PPFIBP1: variants seen among roughly 807,000 people sequenced by gnomAD.
PPFIBP1 encodes liprin-beta-1.
In PPFIBP1, 112 loss-of-function variants were observed where a neutral mutation model predicts 137.8. The observed-to-expected ratio is 0.81, with a 90% CI of 0.70 to 0.95. The LOEUF is 0.95. PPFIBP1 is among the 40% of genes least tolerant of loss of function. The probability of loss-of-function intolerance (pLI) is 0.00; values close to 1 mark genes in which losing one functional copy is unlikely to be tolerated. For synonymous variants in PPFIBP1, 378 were observed against 417.3 expected, an observed-to-expected ratio of 0.91 and a Z score of 1.15; for missense variants, 1,083 against 1,196.6, an observed-to-expected ratio of 0.91 and a Z score of 1.40.
chr12:27,590,348 G>A (rs368134184), intron 2 of PPFIBP1, among the ~76,000 whole-genome samples: 1 of 151,950 alleles, frequency 6.6e-6, no homozygotes. Context: ...GCTAATTTTT[G>A]TATTTTTAGT....
At chr12:27,673,530 C>T (rs529948586) in intron 15 of PPFIBP1, among the ~76,000 whole-genome samples, 1 of 152,196 alleles carries the variant, frequency 6.6e-6, no homozygotes, top group Non-Finnish European at 1.5e-5. Flanking sequence ...GCTTTTCCAG[C>T]TCTTCTAACA....
In PPFIBP1 at chr12:27,606,204, C is replaced by G. The variant is rs1443056668; in HGVS notation, c.-35-27158C>G. ...TGTCATTTTCTCTTTTGTTTTATGG[C>G]TACTTCTCTTGCAGCAGTATTAAAA... On this transcript the variant is annotated intron_variant, in intron 2 of 29. Coordinates refer to ENST00000228425, the MANE Select transcript of PPFIBP1 (RefSeq NM_003622.4). 3.9e-5 allele frequency among the ~76,000 whole-genome samples: 6 copies of G among 152,230 alleles called. 1 individual carries two copies. The highest frequency in any genetic ancestry group is 2.1e-4 in the South Asian group (1 of 4,834).
intron 5 of PPFIBP1, among the ~76,000 whole-genome samples, chr12:27,647,150 T>C (rs1232293642): frequency 6.6e-6 from 1 of 152,120 alleles, no homozygotes; most frequent in South Asian, 2.1e-4. Flanking sequence ...TACAGGCACA[T>C]GCCCCCACAG....
chr12:27,533,142 A>C (rs1223574969), intron 1 of PPFIBP1, among the ~76,000 whole-genome samples: 1 of 152,156 alleles, frequency 6.6e-6, no homozygotes, highest in Non-Finnish European at 1.5e-5. Flanking sequence ...CTGGAACTAC[A>C]GGGACATGCC....
intron 2 of PPFIBP1, among the ~76,000 whole-genome samples, chr12:27,585,876 A>T (rs573765651): frequency 1.3e-5 from 2 of 152,322 alleles, no homozygotes; most frequent in East Asian, 3.9e-4. Flanking sequence ...TACAAGGAAC[A>T]AGTAACATAA....
chr12:27,683,825 T>C (rs1486702167), intron 24 of PPFIBP1, among the ~76,000 whole-genome samples: 1 of 152,182 alleles, frequency 6.6e-6, no homozygotes, highest in Non-Finnish European at 1.5e-5. Context: ...TCTCGCTCTG[T>C]CGCCCAGGCT....
intron 22 of PPFIBP1, 107 bp from the exon 23 acceptor site, chr12:27,682,280 T>C (rs2060922003): frequency 1.3e-6 from 1 of 784,364 alleles, no homozygotes; most frequent in Non-Finnish European, 2.2e-6. Flanking sequence ...AATTCAGTAT[T>C]GAATTGGGTC....
At chr12:27,651,701 C>G (rs1428841557) in intron 7 of PPFIBP1, among the ~76,000 whole-genome samples, 2 of 152,100 alleles carry the variant, frequency 1.3e-5, no homozygotes, top group Non-Finnish European at 2.9e-5. Context: ...TAGAGGTGGT[C>G]TTCTACATTG....
At chr12:27,568,786 C>G (rs1035917190) in intron 1 of PPFIBP1, among the ~76,000 whole-genome samples, 15 of 152,208 alleles carry the variant, frequency 9.9e-5, no homozygotes, top group Non-Finnish European at 2.9e-5. Flanking sequence ...TGAAGTTCAA[C>G]CATGAATGAA....
At chr12:27,644,131 C>T (rs866672254) in intron 4 of PPFIBP1, among the ~76,000 whole-genome samples, 1 of 151,982 alleles carries the variant, frequency 6.6e-6, no homozygotes, top group Non-Finnish European at 1.5e-5. Flanking sequence ...GCCTGGAGTG[C>T]AGTGGCGCAA....
At chr12:27,676,637 A>G (rs1381931853) in intron 18 of PPFIBP1, 38 bp downstream of exon 18, 2 of 1,471,506 alleles carry the variant, frequency 1.4e-6, no homozygotes, top group South Asian at 1.4e-5. Context: ...TAATTCTTCC[A>G]CAAGGAGGAA....
chr12:27,685,470 C>T (rs943665406), intron 24 of PPFIBP1, among the ~76,000 whole-genome samples: 1 of 152,032 alleles, frequency 6.6e-6, no homozygotes, highest in African/African-American at 2.4e-5. Flanking sequence ...TTTAATAGCT[C>T]ACGATTATGA....
At position 27,647,742 on chromosome 12, in the gene PPFIBP1, C is replaced by G; in HGVS notation, c.371C>G (p.Thr124Arg). The stretch of plus-strand genomic sequence containing the variant: ...CTCTAAATACAGGTAAGTGTGTTAA[C>G]AGACCAGGTGGAGGCTCAGGGAGAG... ...ESLVLQVSVL[T>R]DQVEAQGEKI... is the part of the protein sequence containing the mutation. The change falls in exon 6 of 30, where the codon ACA becomes AGA. Residue 124 changes from threonine (T) to arginine (R), a missense_variant. Thr to Arg is a moderately conservative substitution (Grantham distance 71, BLOSUM62 -1). Transcript: ENST00000228425. 6.2e-7 allele frequency: 1 copy of G among 1,603,628 alleles called. No individual in the cohort carries two copies. The highest frequency in any genetic ancestry group is 8.5e-7 in the Non-Finnish European group (1 of 1,175,474).
At chr12:27,689,616 G>A (rs1359611703) in intron 27 of PPFIBP1, among the ~76,000 whole-genome samples, 1 of 152,066 alleles carries the variant, frequency 6.6e-6, no homozygotes, top group African/African-American at 2.4e-5. Context: ...GTTTTTTCTT[G>A]AAGCTCTCAC....
chr12:27,583,101 A>T (rs1226492551), intron 2 of PPFIBP1, among the ~76,000 whole-genome samples: 5 of 151,888 alleles, frequency 3.3e-5, no homozygotes, highest in Admixed American at 3.3e-4. Flanking sequence ...GGCATTTTGT[A>T]CTCTATTTTG....
intron 17 of PPFIBP1, 22 bp from the exon 18 acceptor site, chr12:27,676,406 A>C: frequency 6.9e-7 from 1 of 1,458,722 alleles, no homozygotes; most frequent in South Asian, 1.6e-5. Flanking sequence ...GAGCTGTTTC[A>C]CTATTCTTAT....
At chr12:27,560,016 G>A (rs908421578) in intron 1 of PPFIBP1, among the ~76,000 whole-genome samples, 3 of 152,188 alleles carry the variant, frequency 2.0e-5, no homozygotes, top group Non-Finnish European at 2.9e-5. Context: ...TACAATCTAC[G>A]TAATGTTCTT....
At chr12:27,619,210 C>T (rs1385199777) in intron 2 of PPFIBP1, among the ~76,000 whole-genome samples, 1 of 151,994 alleles carries the variant, frequency 6.6e-6, no homozygotes, top group Admixed American at 6.6e-5. Flanking sequence ...GCTCAAGTCC[C>T]TGATATAAAA....
intron 1 of PPFIBP1, among the ~76,000 whole-genome samples, chr12:27,546,172 G>A (rs1006345738): frequency 6.6e-6 from 1 of 152,168 alleles, no homozygotes; most frequent in Admixed American, 6.5e-5. Context: ...GGAGAAACAT[G>A]TAGATAAGTT....
Sources: allele counts gnomAD v4.1 joint callset (sites outside exome capture counted in the v4.1 genomes callset), GRCh38; gene constraint gnomAD v4.1.1; transcripts MANE v1.5; gene names NCBI Gene and HGNC (gene_info 2026-07-23, HGNC 2026-07-21).